Variants in NLRP8 observed in about 807,000 individuals in gnomAD.
The protein encoded by NLRP8 is NLR family pyrin domain containing 8, also known as NACHT, LRR and PYD domains-containing protein 8.
A neutral mutation model predicts 88.7 loss-of-function variants in NLRP8; 86 were observed. The observed-to-expected ratio is 0.97, with a 90% confidence interval of 0.81 to 1.16. The LOEUF is 1.16. Ranked by LOEUF, NLRP8 falls within the 50% of genes most tolerant of loss-of-function variation. The pLI, the probability that NLRP8 is intolerant of heterozygous loss-of-function variation, is 0.00. For synonymous variants in NLRP8, 504 were observed against 494.6 expected (o/e 1.02, Z -0.25); for missense variants, 1,342 against 1,286.5 (o/e 1.04, Z -0.66).
At chr19:55,982,831 A>G (rs1243985363) in intron 9 of NLRP8, among the ~76,000 whole-genome samples, 1 of 152,198 alleles carries the variant, frequency 6.6e-6, no homozygotes, top group Admixed American at 6.5e-5. Flanking sequence ...CTGTGGTCCC[A>G]GCTATTTGGG....
chr19:55,980,056 A>G (rs1174801222), intron 9 of NLRP8, among the ~76,000 whole-genome samples: 1 of 152,230 alleles, frequency 6.6e-6, no homozygotes, highest in East Asian at 1.9e-4. Flanking sequence ...TACCTAAAGG[A>G]ACCATTAACT....
rs1980030436 is a variant in NLRP8, at chr19:55,970,585, T to C, written c.2423T>C (p.Leu808Pro). 6.2e-7 allele frequency: 1 copy of C among 1,614,020 alleles called. No homozygotes were observed. Residue 808 changes from leucine to proline, a missense_variant, in exon 6 of 10, where the codon CTT (leucine) becomes CCT (proline). Leu to Pro is a moderately conservative substitution (Grantham distance 98, BLOSUM62 -3). Transcript: ENST00000291971. Reference sequence around the variant, plus strand: ...GCCACCCCTAGAATTTGGACTGATCTTGGCAATAATCTTCAAGGTAACGGG... The same window carrying C: ...GCCACCCCTAGAATTTGGACTGATCCTGGCAATAATCTTCAAGGTAACGGG...
At chr19:55,951,600 C>G (rs779009693) in intron 1 of NLRP8, among the ~76,000 whole-genome samples, 2 of 152,208 alleles carry the variant, frequency 1.3e-5, no homozygotes, top group Non-Finnish European at 2.9e-5. Context: ...GGGTACTGAA[C>G]AAATTCATGG....
rs1235186889 is a variant in NLRP8, at chr19:55,954,838, T to G, written c.780T>G (p.Ile260Met). The G allele has an allele frequency of 1.2e-6, 2 of 1,614,186 alleles. No individual in the cohort carries two copies. Among genetic ancestry groups the G allele is most frequent in the South Asian group, 2.2e-5 (2 of 91,082 alleles). ...CAGACCAGAGCTTCTCCGAGCTGAT[T>G]GAGCAAAAGTGGCCTGGATCTCAGG... The change falls in exon 3 of 10, where the codon ATT (isoleucine) becomes ATG (methionine). Residue 260 changes from isoleucine to methionine, a missense_variant. Transcript: ENST00000291971.
At chr19:55,982,167 G>T (rs908135914) in intron 9 of NLRP8, among the ~76,000 whole-genome samples, 1 of 152,150 alleles carries the variant, frequency 6.6e-6, no homozygotes, top group Non-Finnish European at 1.5e-5. Context: ...CTCCCAAAGT[G>T]CTGGGATTAC....
intron 5 of NLRP8, among the ~76,000 whole-genome samples, chr19:55,966,841 T>C (rs1979865477): frequency 6.6e-6 from 1 of 152,074 alleles, no homozygotes; most frequent in South Asian, 2.1e-4. Context: ...AAAAGTGCAA[T>C]TTGACCATGC....
chr19:55,954,468 A>G, intron 2 of NLRP8, 33 bp from the exon 3 acceptor site: 2 of 1,597,878 alleles, frequency 1.3e-6, no homozygotes, highest in South Asian at 2.3e-5. Context: ...CTCTGATGTC[A>G]TACCCTTTAT....
At chr19:55,965,954 C>A (rs1979819114) in intron 4 of NLRP8, among the ~76,000 whole-genome samples, 2 of 152,046 alleles carry the variant, frequency 1.3e-5, no homozygotes, top group Admixed American at 1.3e-4. Flanking sequence ...TGGTTCCAAC[C>A]CAAATGCCCA....
intron 9 of NLRP8, among the ~76,000 whole-genome samples, chr19:55,980,129 C>G: frequency 6.6e-6 from 1 of 152,116 alleles, no homozygotes; most frequent in Non-Finnish European, 1.5e-5. Flanking sequence ...ATTTCTTCAC[C>G]TTTTCTTCCT....
Position 55,970,614 on chromosome 19 carries a change from C to A in NLRP8, c.2452C>A (p.Leu818Ile), listed in dbSNP as rs1318568291. The change falls in exon 6 of 10, where the codon CTA (leucine) becomes ATA (isoleucine). Residue 818 changes from leucine (L) to isoleucine (I), a missense_variant. Coordinates refer to ENST00000291971, the MANE Select transcript of NLRP8 (RefSeq NM_176811.2). Reference sequence around the variant, plus strand: ...CAATAATCTTCAAGGTAACGGGCATCTAAAGACTCTCATACTAAGAAAAAA... The same window carrying A: ...CAATAATCTTCAAGGTAACGGGCATATAAAGACTCTCATACTAAGAAAAAA... 1.9e-6 allele frequency: 3 copies of A among 1,613,956 alleles called. No individual in the cohort carries two copies. In the African/African-American group the frequency reaches 4.0e-5, roughly 22 times the overall value.
At chr19:55,963,603 A>C (rs1376837818) in intron 4 of NLRP8, among the ~76,000 whole-genome samples, 1 of 151,838 alleles carries the variant, frequency 6.6e-6, no homozygotes, top group Non-Finnish European at 1.5e-5. Context: ...AGGCTGGAGT[A>C]CAGTGGCATG....
intron 9 of NLRP8, 128 bp downstream of exon 9, chr19:55,979,692 G>C: frequency 1.0e-6 from 1 of 982,892 alleles, no homozygotes; most frequent in Non-Finnish European, 1.5e-6. Flanking sequence ...ACTGAGACAG[G>C]CAGATCGCTT....
intron 3 of NLRP8, among the ~76,000 whole-genome samples, chr19:55,961,203 C>T (rs183433422): frequency 5.6e-4 from 85 of 152,060 alleles, no homozygotes; most frequent in African/African-American, 2.0e-3. Context: ...TGCCCGGCCA[C>T]TTTCAACTAT....
chr19:55,971,384 T>C (rs1367597808), intron 6 of NLRP8, among the ~76,000 whole-genome samples: 1 of 136,824 alleles, frequency 7.3e-6, no homozygotes. Flanking sequence ...GAGGTTGCAG[T>C]GAGCCGAGAT....
At chr19:55,982,044 G>C (rs778084867) in intron 9 of NLRP8, among the ~76,000 whole-genome samples, 4 of 152,012 alleles carry the variant, frequency 2.6e-5, no homozygotes, top group Admixed American at 2.6e-4. Context: ...TGGGACTACA[G>C]GTGTGCACCA....
intron 4 of NLRP8, among the ~76,000 whole-genome samples, chr19:55,965,155 A>G (rs1335863445): frequency 6.6e-6 from 1 of 152,088 alleles, no homozygotes; most frequent in Non-Finnish European, 1.5e-5. Context: ...TAGATCAGAA[A>G]GTTGAGCTTT....
At chr19:55,956,433 G>A (rs112569038) in intron 3 of NLRP8, among the ~76,000 whole-genome samples, 1 of 152,024 alleles carries the variant, frequency 6.6e-6, no homozygotes, top group Non-Finnish European at 1.5e-5. Flanking sequence ...TAGTAGAGAT[G>A]GGGTTTCACC....
At chr19:55,984,311 G>A (rs144423465) in intron 9 of NLRP8, among the ~76,000 whole-genome samples, 247 of 152,242 alleles carry the variant, frequency 1.6e-3, no homozygotes, top group African/African-American at 5.8e-3. Flanking sequence ...GTTTTTAAAA[G>A]CATAAAATTT....
At chr19:55,949,758 G>T (rs1424244444) in intron 1 of NLRP8, among the ~76,000 whole-genome samples, 1 of 152,144 alleles carries the variant, frequency 6.6e-6, no homozygotes, top group African/African-American at 2.4e-5. Context: ...TGGAGAAAAC[G>T]TCAGCTCCAC....
Sources: gnomAD v4.1 joint callset for allele counts (sites outside exome capture counted in the v4.1 genomes callset) on GRCh38, gnomAD v4.1.1 for gene constraint, MANE v1.5 for transcripts, NCBI Gene and HGNC (gene_info 2026-07-23, HGNC 2026-07-21) for gene names.